ACOT7: variants seen among roughly 807,000 people sequenced by gnomAD.
ACOT7 encodes the protein acyl-CoA thioesterase 7, also known as cytosolic acyl coenzyme A thioester hydrolase.
A neutral mutation model predicts 40.2 loss-of-function variants in ACOT7; 12 were observed. The ratio of observed to expected loss-of-function variants is 0.30; its 90% CI spans 0.19 to 0.48. The LOEUF (loss-of-function observed/expected upper bound fraction) is 0.48, where lower values mean the gene tolerates loss of function less well. ACOT7 is among the 20% of genes least tolerant of loss of function. The probability of loss-of-function intolerance (pLI) is 0.99; values close to 1 mark genes in which losing one functional copy is unlikely to be tolerated. For missense variants in ACOT7, 395 were observed against 530.8 expected, an observed-to-expected ratio of 0.74 and a Z score of 2.51; for synonymous variants, 228 against 219.5, an observed-to-expected ratio of 1.04 and a Z score of -0.34.
chr1:6,329,876 G>A (rs1416998861), intron 4 of ACOT7, among the ~76,000 whole-genome samples: 1 of 152,166 alleles, frequency 6.6e-6, no homozygotes, highest in Admixed American at 6.5e-5. Context: ...CTGCCCCTCT[G>A]GTCATCCTGG....
chr1:6,352,982 G>C lies in ACOT7; in HGVS notation c.144-3116C>G, dbSNP rs570722766. ...CAAACTCCGTCTCCTGGGTTCAAGC[G>C]ATTCCCCTGCCTCAGCCTTCCGAGT... On this transcript the variant is annotated intron_variant, in intron 1 of 8. Transcript: ENST00000361521. The surrounding 1 kb of genome is among the most constrained non-coding windows in gnomAD (Gnocchi z 4.5). 6.6e-6 allele frequency among the ~76,000 whole-genome samples: 1 copy of C among 152,116 alleles called. No homozygotes were observed. The highest frequency in any genetic ancestry group is 1.9e-4 in the East Asian group (1 of 5,174).
chr1:6,369,278 G>A (rs890215739), intron 1 of ACOT7, among the ~76,000 whole-genome samples: 4 of 151,918 alleles, frequency 2.6e-5, no homozygotes, highest in African/African-American at 9.7e-5. Flanking sequence ...ACCTCGCCTG[G>A]TCTATAAATA....
Position 6,393,633 on chromosome 1 carries a change from G to T in ACOT7, c.-234C>A. 1 of 306,350 alleles carries T rather than the reference G, an allele frequency of 3.3e-6. No individual in the cohort carries two copies. 19.0% of individuals were successfully genotyped at this position (306,350 alleles called of 1,614,324 possible). ...GTTCGGTGGCGGTTGGGCCGCGCCG[G>T]TGCGGGGAAGGCCCGCTAGCCGCGG... On this transcript the variant is annotated 5_prime_UTR_variant, in exon 1 of 9. Coordinates refer to ENST00000361521, the MANE Select transcript of ACOT7 (RefSeq NM_007274.4).
intron 7 of ACOT7, among the ~76,000 whole-genome samples, chr1:6,293,793 G>T (rs1393244594): frequency 6.6e-6 from 1 of 152,246 alleles, no homozygotes; most frequent in Non-Finnish European, 1.5e-5. Context: ...CAGCATGTGT[G>T]AGCCTAGCCT....
chr1:6,343,574 C>G (rs1395376468), intron 2 of ACOT7, among the ~76,000 whole-genome samples: 1 of 152,286 alleles, frequency 6.6e-6, no homozygotes, highest in East Asian at 1.9e-4. Context: ...GGAACTGTCT[C>G]TTTCACCCCC....
intron 1 of ACOT7, among the ~76,000 whole-genome samples, chr1:6,375,870 G>T (rs1642220653): frequency 6.6e-6 from 1 of 151,648 alleles, no homozygotes; most frequent in African/African-American, 2.4e-5. Context: ...CCCGGGAGGT[G>T]GAGCTTGCAG....
intron 1 of ACOT7, among the ~76,000 whole-genome samples, chr1:6,367,932 G>A (rs1205228896): frequency 3.9e-5 from 6 of 152,174 alleles, no homozygotes; most frequent in Non-Finnish European, 7.3e-5. Context: ...GTCACAGCCA[G>A]GTCATCCCAG....
intron 1 of ACOT7, among the ~76,000 whole-genome samples, chr1:6,378,190 T>C (rs1423577440): frequency 3.5e-5 from 5 of 144,630 alleles, no homozygotes; most frequent in Non-Finnish European, 7.7e-5. Context: ...GCCCGAGAGG[T>C]AGTGGCTCAA....
chr1:6,318,159 G>A (rs570695369), intron 6 of ACOT7, among the ~76,000 whole-genome samples: 3 of 152,170 alleles, frequency 2.0e-5, no homozygotes, highest in African/African-American at 4.8e-5. Flanking sequence ...GGGCTCAAGC[G>A]ATCCTCCCAC....
At chr1:6,335,003 T>C (rs1367754461) in intron 3 of ACOT7, among the ~76,000 whole-genome samples, 1 of 151,702 alleles carries the variant, frequency 6.6e-6, no homozygotes, top group Non-Finnish European at 1.5e-5. Context: ...CTGGGTAACA[T>C]GGCGAAACCC....
intron 6 of ACOT7, among the ~76,000 whole-genome samples, chr1:6,297,116 G>C (rs1639833013): frequency 6.6e-6 from 1 of 151,890 alleles, no homozygotes; most frequent in Non-Finnish European, 1.5e-5. Flanking sequence ...TCAGCTCCCT[G>C]CAACCTCTGC....
At chr1:6,320,588 C>T (rs932298874) in intron 5 of ACOT7, among the ~76,000 whole-genome samples, 1 of 152,170 alleles carries the variant, frequency 6.6e-6, no homozygotes, top group Non-Finnish European at 1.5e-5. Context: ...GGCTCACACA[C>T]CTGAGGTTTT....
chr1:6,355,734 A>G lies in ACOT7; in HGVS notation c.144-5868T>C, dbSNP rs1298642067. ...AGGCACAGCTCAAAACTCAGATCTC[A>G]TCACACCAGAGGCCGGCCAGCACTC... On this transcript the variant is annotated intron_variant, in intron 1 of 8. Transcript: ENST00000361521. The surrounding 1 kb of genome is among the most constrained non-coding windows in gnomAD (Gnocchi z 5.0). Among the ~76,000 whole-genome samples, 1 of 152,172 alleles carries G rather than the reference A, an allele frequency of 6.6e-6. No individual in the cohort carries two copies. Among genetic ancestry groups the G allele is most frequent in the Non-Finnish European group, 1.5e-5 (1 of 68,022 alleles).
At chr1:6,376,147 C>CAGG (rs1642227302) in intron 1 of ACOT7, among the ~76,000 whole-genome samples, 2 of 152,096 alleles carry the variant, frequency 1.3e-5, no homozygotes, top group African/African-American at 4.8e-5. Context: ...CCCAGGTACT[C>CAGG]AGGAGGCTGA....
Position 6,282,658 on chromosome 1 carries a change from C to G in ACOT7, c.830-1372G>C. ...TGGAGGGCGGTTAGCAGGCCAGAGG[C>G]AAGAGCGGTTATTCCATGTTAAAAA... On this transcript the variant is annotated intron_variant, in intron 7 of 8. Coordinates refer to ENST00000361521, the MANE Select transcript of ACOT7 (RefSeq NM_007274.4). The surrounding 1 kb of genome is among the most constrained non-coding windows in gnomAD (Gnocchi z 4.5). The G allele has an allele frequency of 8.0e-7, 1 of 1,245,312 alleles. No homozygotes were observed. Among genetic ancestry groups the G allele is most frequent in the Middle Eastern group, 2.6e-4 (1 of 3,862 alleles). The allele number at this position is 1,245,312 out of a possible 1,614,324, so 77.1% of individuals were successfully genotyped here.
At chr1:6,292,487 C>T (rs1557635213) in intron 7 of ACOT7, among the ~76,000 whole-genome samples, 1 of 152,182 alleles carries the variant, frequency 6.6e-6, no homozygotes, top group Admixed American at 6.5e-5. Context: ...TCCGAGTTGC[C>T]CCAGATGTCT....
At chr1:6,285,523 C>A (rs1020323952) in intron 7 of ACOT7, among the ~76,000 whole-genome samples, 2 of 152,256 alleles carry the variant, frequency 1.3e-5, no homozygotes. Context: ...TCCTCCATGG[C>A]GCAGCCATGT....
At chr1:6,378,067 AAAAC>A (rs140819559) in intron 1 of ACOT7, among the ~76,000 whole-genome samples, 20,917 of 149,106 alleles carry the variant, frequency 0.14, 2,051 homozygotes, top group African/African-American at 0.27. Flanking sequence ...AAGACTCGTC[AAAAC>A]AAACAAACAA....
rs61540963 is a variant in ACOT7, at chr1:6,338,815, C to T, written c.418+618G>A. Among the ~76,000 whole-genome samples the T allele has an allele frequency of 0.086, 13,133 of 152,148 alleles. 1,715 individuals are homozygous for T. Among genetic ancestry groups the T allele is most frequent in the African/African-American group, 0.28 (11,734 of 41,430 alleles). On this transcript the variant is annotated intron_variant, in intron 3 of 8. Transcript: ENST00000361521. This position sits in a 1 kb window ranked among gnomAD's most constrained non-coding sequence, Gnocchi z 4.4. ...GAGGCCCGCCTTCCCCCTCACCTCC[C>T]GTCCCCAGCCTGGGTATAAAAAGAA...
Sources: gnomAD v4.1 joint callset for allele counts (sites outside exome capture counted in the v4.1 genomes callset) on GRCh38, gnomAD v4.1.1 for gene constraint, Gnocchi (gnomAD v3.1) non-coding constraint, MANE v1.5 for transcripts, NCBI Gene and HGNC (gene_info 2026-07-23, HGNC 2026-07-21) for gene names.